Variants in KIAA0513 observed in about 807,000 individuals in gnomAD.
KIAA0513 encodes the protein KIAA0513, also known as uncharacterized protein KIAA0513.
Under a neutral mutation model 56.5 loss-of-function variants are expected in KIAA0513, and 39 were observed. The observed-to-expected ratio is 0.69, with a 90% CI of 0.53 to 0.90. The LOEUF is 0.90. Among genes scored for constraint, KIAA0513 ranks in the 40% least tolerant of loss-of-function variants. The probability of loss-of-function intolerance (pLI) is 0.00; values close to 1 mark genes in which losing one functional copy is unlikely to be tolerated. For synonymous variants in KIAA0513, 268 were observed against 215.6 expected, an observed-to-expected ratio of 1.24 and a Z score of -2.13; for missense variants, 591 against 535.2, an observed-to-expected ratio of 1.10 and a Z score of -1.03.
chr16:85,049,872 G>A (rs1044727091), intron 1 of KIAA0513, among the ~76,000 whole-genome samples: 1 of 152,184 alleles, frequency 6.6e-6, no homozygotes, highest in African/African-American at 2.4e-5. Flanking sequence ...TCCCTGTCCA[G>A]TAATTAAGTG....
Position 85,071,803 on chromosome 16 carries a change from A to G in KIAA0513, c.350A>G (p.Glu117Gly), listed in dbSNP as rs1362837647. Reference protein sequence around the residue: ...FSGGEDLDQEEKAKFGEYCSS... With the variant: ...FSGGEDLDQEGKAKFGEYCSS... ...TTTAGGGAGGACTTGGATCAGGAGG[A>G]GAAAGCCAAGTTTGGAGAGTACTGC... Residue 117 changes from glutamate (E) to glycine (G), a missense_variant, in exon 3 of 13, where the codon GAG (glutamate) becomes GGG (glycine). By Grantham distance (98) the Glu-to-Gly change is moderately conservative. Coordinates refer to ENST00000683363, the MANE Select transcript of KIAA0513 (RefSeq NM_001388359.1). The G allele has an allele frequency of 3.3e-6, 5 of 1,529,752 alleles. No individual in the cohort carries two copies. The highest frequency in any genetic ancestry group is 2.4e-5 in the East Asian group (1 of 41,582). 94.8% of individuals were successfully genotyped at this position (1,529,752 alleles called of 1,614,324 possible).
rs974314045 is a variant in KIAA0513 at position 85,091,201 on chromosome 16, A to C, written c.*2876A>C. On this transcript the variant is annotated 3_prime_UTR_variant, in exon 13 of 13. Coordinates refer to ENST00000683363, the MANE Select transcript of KIAA0513 (RefSeq NM_001388359.1). ...AGGGCTGTGCCAATCCTAGTGAACC[A>C]AAATGCAAACAACTCACACAAGTGA... 6.6e-6 allele frequency: 1 copy of C among 152,266 alleles called. No individual in the cohort carries two copies. The highest frequency in any genetic ancestry group is 2.4e-5 in the African/African-American group (1 of 41,474). 9.4% of individuals were successfully genotyped at this position (152,266 alleles called of 1,614,324 possible). A position where few individuals can be genotyped will look rare whatever the true frequency, so the allele number is the denominator to read the frequency against.
chr16:85,080,214 T>A (rs66478155), intron 8 of KIAA0513, among the ~76,000 whole-genome samples: 10,339 of 152,212 alleles, frequency 0.068, 547 homozygotes, highest in East Asian at 0.26. Flanking sequence ...TGTCCCGCTG[T>A]CTGGTGATTC....
rs1322420601 is a variant in KIAA0513, at chr16:85,073,812, C to T, written c.503+814C>T. Reference sequence around the variant, plus strand: ...CAAGCAGTCCCTGCTTTGGGCCCCACGTCCCCTCCTGGTCCTTGGCTCATC... The same window carrying T: ...CAAGCAGTCCCTGCTTTGGGCCCCATGTCCCCTCCTGGTCCTTGGCTCATC... On this transcript the variant is annotated intron_variant, in intron 4 of 12. Coordinates refer to ENST00000683363, the MANE Select transcript of KIAA0513 (RefSeq NM_001388359.1). Among the ~76,000 whole-genome samples the T allele has an allele frequency of 6.6e-5, 10 of 152,210 alleles. No individual in the cohort carries two copies. The East Asian group carries it at 1.7e-3, about 26-fold the overall frequency.
intron 2 of KIAA0513, among the ~76,000 whole-genome samples, 173 bp downstream of exon 2, chr16:85,067,573 CAGAGCCACGTGG>C (rs2073506194): frequency 6.6e-6 from 1 of 152,222 alleles, no homozygotes; most frequent in South Asian, 2.1e-4. Flanking sequence ...AGGCTGCATG[CAGAGCCACGTGG>C]AGAACTTTAA....
chr16:85,057,606 AAC>A (rs886527326), intron 1 of KIAA0513, among the ~76,000 whole-genome samples: 156 of 152,240 alleles, frequency 1.0e-3, no homozygotes, highest in Admixed American at 1.6e-3. Context: ...CAGTGAAGAA[AAC>A]ACACACGACT....
intron 10 of KIAA0513, among the ~76,000 whole-genome samples, chr16:85,084,472 C>T (rs2073785621): frequency 1.4e-5 from 2 of 145,068 alleles, no homozygotes; most frequent in African/African-American, 2.6e-5. Flanking sequence ...TCTTGTTGCC[C>T]AGGCTGGAGT....
At chr16:85,043,561 G>A (rs917187201) in intron 1 of KIAA0513, among the ~76,000 whole-genome samples, 1 of 151,764 alleles carries the variant, frequency 6.6e-6, no homozygotes, top group Non-Finnish European at 1.5e-5. Flanking sequence ...ACAGGCGTGC[G>A]CCACCACACC....
At chr16:85,039,541 C>T (rs933251110) in intron 1 of KIAA0513, among the ~76,000 whole-genome samples, 2 of 152,122 alleles carry the variant, frequency 1.3e-5, no homozygotes, top group Non-Finnish European at 2.9e-5. Flanking sequence ...TGGGTTCAAG[C>T]GATACTCCCA....
chr16:85,071,840 T>G lies in KIAA0513; in HGVS notation c.387T>G (p.Asn129Lys). 6.3e-7 allele frequency: 1 copy of G among 1,598,924 alleles called. No individual in the cohort carries two copies. The change falls in exon 3 of 13, where the codon AAT (asparagine) becomes AAG (lysine). Residue 129 changes from asparagine to lysine, a missense_variant. By Grantham distance (94) the Asn-to-Lys change is moderately conservative. Coordinates refer to ENST00000683363, the MANE Select transcript of KIAA0513 (RefSeq NM_001388359.1). ...TTGGAGAGTACTGCAGCAGTGAAAA[T>G]GGAAAAGGCCGGGAGTGGTTTGCTC... Reference protein sequence around the residue: ...AKFGEYCSSENGKGREWFARY... With the variant: ...AKFGEYCSSEKGKGREWFARY...
At position 85,086,768 on chromosome 16, in the gene KIAA0513, C is replaced by A. The variant is rs201411157; in HGVS notation, c.1091+44C>A. ...AAGCGGGAGGGGAGAGGGGGGAGGGCCCACCCTGTGAGCTGTCACACCTGG... is the reference window on the plus strand; with the variant it reads ...AAGCGGGAGGGGAGAGGGGGGAGGGACCACCCTGTGAGCTGTCACACCTGG... On this transcript the variant is annotated intron_variant, in intron 11 of 12. Coordinates refer to ENST00000683363, the MANE Select transcript of KIAA0513 (RefSeq NM_001388359.1). 7.8e-6 allele frequency: 12 copies of A among 1,529,156 alleles called. No homozygotes were observed. In the African/African-American group the frequency reaches 1.5e-4, roughly 19 times the overall value. 94.7% of individuals were successfully genotyped at this position (1,529,156 alleles called of 1,614,324 possible). A position where few individuals can be genotyped will look rare whatever the true frequency, so the allele number is the denominator to read the frequency against.
intron 10 of KIAA0513, among the ~76,000 whole-genome samples, chr16:85,083,583 A>G (rs1339799612): frequency 6.6e-6 from 1 of 152,174 alleles, no homozygotes; most frequent in Non-Finnish European, 1.5e-5. Context: ...GGAGCATCCC[A>G]GCGTCCTCTG....
At position 85,081,599 on chromosome 16, in the gene KIAA0513, T is replaced by C. The variant is rs2073745004; in HGVS notation, c.980+207T>C. Among the ~76,000 whole-genome samples, 1 of 152,066 alleles carries C rather than the reference T, an allele frequency of 6.6e-6. No individual in the cohort carries two copies. The highest frequency in any genetic ancestry group is 1.5e-5 in the Non-Finnish European group (1 of 68,002). On this transcript the variant is annotated intron_variant, in intron 9 of 12. Coordinates refer to ENST00000683363, the MANE Select transcript of KIAA0513 (RefSeq NM_001388359.1). This position sits in a 1 kb window ranked among gnomAD's most constrained non-coding sequence, Gnocchi z 4.4. ...GTGCTCAGCTTGCATGAGCGCTTTC[T>C]GTCCTGGGGCTCTGGCATGACTTGG...
chr16:85,065,017 A>G (rs1272090104), intron 1 of KIAA0513, among the ~76,000 whole-genome samples: 1 of 152,174 alleles, frequency 6.6e-6, no homozygotes, highest in Non-Finnish European at 1.5e-5. Context: ...TGCCTTGCCT[A>G]TTTGAGTGGT....
chr16:85,086,969 A>G (rs1305667646), intron 11 of KIAA0513, 103 bp from the exon 12 acceptor site: 5 of 1,142,812 alleles, frequency 4.4e-6, no homozygotes, highest in Non-Finnish European at 3.9e-6. Flanking sequence ...TCTGCTGACA[A>G]TTCCAGGCAG....
At chr16:85,072,869 G>A (rs768780298) in intron 3 of KIAA0513, 56 bp from the exon 4 acceptor site, 2 of 1,523,796 alleles carry the variant, frequency 1.3e-6, no homozygotes, top group Non-Finnish European at 1.8e-6. Context: ...CAGCTTCACT[G>A]AGTGCTGCGT....
chr16:85,057,814 G>T (rs1195012203), intron 1 of KIAA0513, among the ~76,000 whole-genome samples: 2 of 148,584 alleles, frequency 1.3e-5, no homozygotes. Context: ...TTCCTGTGGT[G>T]CTGAGGCTGC....
At chr16:85,083,085 C>A (rs1438237021) in intron 10 of KIAA0513, among the ~76,000 whole-genome samples, 2 of 152,222 alleles carry the variant, frequency 1.3e-5, no homozygotes, top group Non-Finnish European at 2.9e-5. Context: ...CAACACCACC[C>A]ACTCTTGGGT....
chr16:85,055,148 C>A, intron 1 of KIAA0513, among the ~76,000 whole-genome samples: 1 of 152,086 alleles, frequency 6.6e-6, no homozygotes, highest in East Asian at 1.9e-4. Context: ...GTCTCAAACT[C>A]CTGGACTGAA....
Sources: gnomAD v4.1 joint callset for allele counts (sites outside exome capture counted in the v4.1 genomes callset) on GRCh38, gnomAD v4.1.1 for gene constraint, Gnocchi (gnomAD v3.1) non-coding constraint, MANE v1.5 for transcripts, NCBI Gene and HGNC (gene_info 2026-07-23, HGNC 2026-07-21) for gene names.